Variants in PRSS56 observed in about 807,000 individuals in gnomAD.
The protein encoded by PRSS56 is serine protease 56.
PRSS56 carries 55 observed loss-of-function variants against 66.8 expected under a neutral mutation model. That is an observed-to-expected ratio of 0.82 (90% CI 0.66 to 1.03). The LOEUF is 1.03. PRSS56 is among the 50% of genes least tolerant of loss of function. The probability of loss-of-function intolerance (pLI) is 0.00; values close to 1 mark genes in which losing one functional copy is unlikely to be tolerated. For missense variants in PRSS56, 869 were observed against 837.2 expected, an observed-to-expected ratio of 1.04 and a Z score of -0.47; for synonymous variants, 409 against 387.9, an observed-to-expected ratio of 1.05 and a Z score of -0.64.
At chr2:232,524,470 G>T in intron 11 of PRSS56, 101 bp downstream of exon 11, 1 of 1,163,226 alleles carries the variant, frequency 8.6e-7, no homozygotes, top group South Asian at 1.5e-5. Context: ...TTACCCCATG[G>T]GGCAACAGGG....
chr2:232,521,923 G>A lies in PRSS56; in HGVS notation c.257-48G>A, dbSNP rs932919347. On this transcript the variant is annotated intron_variant, in intron 3 of 12. Coordinates refer to ENST00000617714, the MANE Select transcript of PRSS56 (RefSeq NM_001195129.2). ...TGAGAGCCGGGTGGGCCTCGAAGGC[G>A]AGGATGGCCAGAACATGTCCCTCGT... is the stretch of plus-strand genomic sequence containing the variant. The A allele has an allele frequency of 3.9e-6, 6 of 1,524,936 alleles. No individual in the cohort carries two copies. In the Admixed American group the frequency reaches 6.0e-5, roughly 15 times the overall value. 94.5% of individuals were successfully genotyped at this position (1,524,936 alleles called of 1,614,324 possible). A position where few individuals can be genotyped will look rare whatever the true frequency, so the allele number is the denominator to read the frequency against.
rs2106199693 is a variant in PRSS56, at chr2:232,520,670, A to G, written c.72A>G (p.Thr24=). Residue 24 remains threonine, a synonymous_variant, in exon 1 of 13, where the codon ACA becomes ACG. Coordinates refer to ENST00000617714, the MANE Select transcript of PRSS56 (RefSeq NM_001195129.2). Reference sequence around the variant, plus strand: ...TTGCCCACGGGCACCCACTGTACACACGCCTGCCCCCCAGCGCCCTGCAAG... The same window carrying G: ...TTGCCCACGGGCACCCACTGTACACGCGCCTGCCCCCCAGCGCCCTGCAAG... ...SWFAHGHPLY[T]RLPPSALQVL... is the part of the protein sequence containing the mutation. 1 of 1,535,262 alleles carries G rather than the reference A, an allele frequency of 6.5e-7. No individual in the cohort carries two copies. The highest frequency in any genetic ancestry group is 1.2e-5 in the South Asian group (1 of 84,026).
Position 232,522,086 on chromosome 2 carries a change from C to T in PRSS56, c.372C>T (p.Leu124=), listed in dbSNP as rs1048949100. The part of the protein sequence containing the change: ...GAWPWLVRLQ[L]GGQPLCGGVL... ...GGCCCTGGCTGGTGAGGCTGCAGCT[C>T]GGCGGGCAGCCTCTGTGCGGCGGCG... is the stretch of plus-strand genomic sequence containing the variant. Residue 124 remains leucine (L), a synonymous_variant, in exon 4 of 13, where the codon CTC becomes CTT. Coordinates refer to ENST00000617714, the MANE Select transcript of PRSS56 (RefSeq NM_001195129.2). 2.0e-6 allele frequency: 3 copies of T among 1,516,794 alleles called. No homozygotes were observed. The highest frequency in any genetic ancestry group is 2.9e-5 in the African/African-American group (2 of 70,010). The allele number at this position is 1,516,794 out of a possible 1,614,324, so 94.0% of individuals were successfully genotyped here. A position where few individuals can be genotyped will look rare whatever the true frequency, so the allele number is the denominator to read the frequency against.
At position 232,520,522 on chromosome 2, in the gene PRSS56, C is replaced by G; in HGVS notation, c.-77C>G. 1 of 1,244,826 alleles carries G rather than the reference C, an allele frequency of 8.0e-7. No individual in the cohort carries two copies. Among genetic ancestry groups the G allele is most frequent in the Non-Finnish European group, 1.1e-6 (1 of 881,508 alleles). The allele number at this position is 1,244,826 out of a possible 1,614,324, so 77.1% of individuals were successfully genotyped here. ...GCCGAAAGGCAGCAGAAGGCGGGCA[C>G]CAAAGGATAGGCACCCGGAAGGTGG... On this transcript the variant is annotated 5_prime_UTR_variant, in exon 1 of 13. Coordinates refer to ENST00000617714, the MANE Select transcript of PRSS56 (RefSeq NM_001195129.2).
At position 232,521,304 on chromosome 2, in the gene PRSS56, GC is replaced by G. The variant is rs1184624292; in HGVS notation, c.98-12del. 1 of 1,527,882 alleles carries G rather than the reference GC, an allele frequency of 6.5e-7. No individual in the cohort carries two copies. The highest frequency in any genetic ancestry group is 8.8e-7 in the Non-Finnish European group (1 of 1,139,406). 94.6% of individuals were successfully genotyped at this position (1,527,882 alleles called of 1,614,324 possible). On this transcript the variant is annotated splice_polypyrimidine_tract_variant and intron_variant, in intron 1 of 12. Coordinates refer to ENST00000617714, the MANE Select transcript of PRSS56 (RefSeq NM_001195129.2). ...CTTCCCCAACCACGCATGATTGTGT[GC>G]CCCCTGTCCCAGCAGTTCTGTCGGC...
chr2:232,525,246 A>G lies in PRSS56; in HGVS notation c.1552A>G (p.Thr518Ala). ...GGCAGATCTGGGCTCCAAGACACTG[A>G]CCGGGCTTTTCAGAGCCTGGGTGCG... ...VLADLGSKTL[T>A]GLFRAWVRAG... The change falls in exon 13 of 13, where the codon ACC becomes GCC. Residue 518 changes from threonine to alanine, a missense_variant. Physicochemically the swap from Thr to Ala is moderately conservative, Grantham distance 58. Around this residue, in one of 3 missense-constraint regions of PRSS56, gnomAD observed 551 missense variants for 506.9 expected, o/e 1.09. Coordinates refer to ENST00000617714, the MANE Select transcript of PRSS56 (RefSeq NM_001195129.2). 1 of 1,512,522 alleles carries G rather than the reference A, an allele frequency of 6.6e-7. No homozygotes were observed. The allele number at this position is 1,512,522 out of a possible 1,614,324, so 93.7% of individuals were successfully genotyped here.
chr2:232,523,256 C>T lies in PRSS56; in HGVS notation c.849+54C>T, dbSNP rs559014751. ...CGGCTGAGCCTTCCCAGGGCCACTA[C>T]GGCCTCTTTTCCTTCCACGTCTGTC... On this transcript the variant is annotated intron_variant, in intron 7 of 12. Transcript: ENST00000617714. 1.6e-4 allele frequency: 226 copies of T among 1,422,810 alleles called. No homozygotes were observed. In the Admixed American group the frequency reaches 4.5e-3, roughly 28 times the overall value. 88.1% of individuals were successfully genotyped at this position (1,422,810 alleles called of 1,614,324 possible).
rs1446778228 is a variant in PRSS56 at position 232,522,516 on chromosome 2, G to T, written c.448G>T (p.Ala150Ser). ...VLTAAHCFVG[A>S]PNELLWTVTL... ...TCTCAGCTGCCGCTCGACCCGCAGC[G>T]CCCCGAATGAGCTTCTGTGGACTGT... is the stretch of plus-strand genomic sequence containing the variant. The change falls in exon 5 of 13, where the codon GCC becomes TCC. Residue 150 changes from alanine (A) to serine (S), a missense_variant and splice_region_variant. This residue lies in a region of PRSS56 where 315 missense variants were observed against 313.7 expected (regional missense o/e 1.00). Transcript: ENST00000617714. 6.5e-7 allele frequency: 1 copy of T among 1,529,148 alleles called. No homozygotes were observed. The highest frequency in any genetic ancestry group is 1.4e-5 in the African/African-American group (1 of 72,702). The allele number at this position is 1,529,148 out of a possible 1,614,324, so 94.7% of individuals were successfully genotyped here. A position where few individuals can be genotyped will look rare whatever the true frequency, so the allele number is the denominator to read the frequency against.
rs971708025 is a variant in PRSS56 at position 232,522,814 on chromosome 2, C to T, written c.659C>T (p.Pro220Leu). Residue 220 changes from proline to leucine, a missense_variant, in exon 6 of 13, where the codon CCT becomes CTT. Pro to Leu is a moderately conservative substitution (Grantham distance 98, BLOSUM62 -3). Transcript: ENST00000617714. Reference sequence around the variant, plus strand: ...CTGCCCCAGGAGCCCCAGGAGCCCCCTGCCGGAACCGCCTGCGCCATCGCG... The same window carrying T: ...CTGCCCCAGGAGCCCCAGGAGCCCCTTGCCGGAACCGCCTGCGCCATCGCG... ...VCLPQEPQEP[P>L]AGTACAIAGW... 2.0e-6 allele frequency: 3 copies of T among 1,494,802 alleles called. No individual in the cohort carries two copies. In the African/African-American group the frequency reaches 4.2e-5, roughly 21 times the overall value. 92.6% of individuals were successfully genotyped at this position (1,494,802 alleles called of 1,614,324 possible).
chr2:232,523,061 C>CG lies in PRSS56; in HGVS notation c.711dup (p.Pro238AlafsTer2). On this transcript the variant is annotated frameshift_variant and splice_region_variant, in exon 7 of 13. Transcript: ENST00000617714. LOFTEE classifies it high-confidence loss of function. ...GAGCCTTCCACCCCTTCCCTGCAGA[C>CG]GGGCCTGAGGCTGAAGCAGTGAGAG... 6.5e-7 allele frequency: 1 copy of CG among 1,534,516 alleles called. No individual in the cohort carries two copies. Among genetic ancestry groups the CG allele is most frequent in the Non-Finnish European group, 8.7e-7 (1 of 1,146,056 alleles).
intron 1 of PRSS56, 22 bp from the exon 2 acceptor site, chr2:232,521,299 T>C (rs1045129355): frequency 7.9e-6 from 12 of 1,523,760 alleles, no homozygotes; most frequent in Non-Finnish European, 1.1e-5. Flanking sequence ...CACGCATGAT[T>C]GTGTGCCCCC....
At chr2:232,524,696 C>A (rs1273270836) in intron 11 of PRSS56, 42 bp from the exon 12 acceptor site, 1 of 1,414,260 alleles carries the variant, frequency 7.1e-7, no homozygotes, top group South Asian at 1.3e-5. Flanking sequence ...AGTTCCATAC[C>A]GCAACCGTTC....
At chr2:232,524,240 C>A in intron 10 of PRSS56, 37 bp downstream of exon 10, 1 of 1,534,660 alleles carries the variant, frequency 6.5e-7, no homozygotes, top group Non-Finnish European at 8.7e-7. Flanking sequence ...AGCCCTGGCC[C>A]GGCCCCACCC....
chr2:232,521,733 T>G, intron 2 of PRSS56, 83 bp from the exon 3 acceptor site: 3 of 1,357,920 alleles, frequency 2.2e-6, no homozygotes, highest in Non-Finnish European at 3.0e-6. Flanking sequence ...AAAGGAGAGA[T>G]GGGGAGAGAG....
Position 232,521,418 on chromosome 2 carries a change from C to A in PRSS56, c.195C>A (p.His65Gln). 3 of 1,535,948 alleles carry A rather than the reference C, an allele frequency of 2.0e-6. No individual in the cohort carries two copies. The highest frequency in any genetic ancestry group is 1.7e-4 in the Middle Eastern group (1 of 5,988). Reference protein sequence around the residue: ...RVAMEIQHRSHECRGSGRPRP... With the variant: ...RVAMEIQHRSQECRGSGRPRP... ...CGATGGAGATCCAGCACAGATCGCACGAGTGCCGAGGTGCCCACCCTGCCC... is the reference window on the plus strand; with the variant it reads ...CGATGGAGATCCAGCACAGATCGCAAGAGTGCCGAGGTGCCCACCCTGCCC... Residue 65 changes from histidine (H) to glutamine (Q), a missense_variant, in exon 2 of 13, where the codon CAC becomes CAA. This residue lies in a region of PRSS56 where 315 missense variants were observed against 313.7 expected (regional missense o/e 1.00). Coordinates refer to ENST00000617714, the MANE Select transcript of PRSS56 (RefSeq NM_001195129.2).
At chr2:232,523,646 C>T in intron 8 of PRSS56, 68 bp downstream of exon 8, 1 of 1,503,916 alleles carries the variant, frequency 6.6e-7, no homozygotes, top group Non-Finnish European at 8.9e-7. Context: ...AAGCCCGTTT[C>T]CACCCGGCCC....
chr2:232,523,887 C>A lies in PRSS56; in HGVS notation c.1128C>A (p.Ser376=). Residue 376 remains serine, a synonymous_variant, in exon 9 of 13, where the codon TCC becomes TCA. Transcript: ENST00000617714. ...CAFYARLCPG[S]QGACARLAHQ... is the part of the protein sequence containing the mutation. ...TCTATGCCCGCCTGTGCCCGGGGTC[C>A]CAGGGCGCCTGTGCGCGCCTGGCGC... is the stretch of plus-strand genomic sequence containing the variant. 1 of 1,525,456 alleles carries A rather than the reference C, an allele frequency of 6.6e-7. No individual in the cohort carries two copies. The highest frequency in any genetic ancestry group is 8.8e-7 in the Non-Finnish European group (1 of 1,141,516). The allele number at this position is 1,525,456 out of a possible 1,614,324, so 94.5% of individuals were successfully genotyped here. A position where few individuals can be genotyped will look rare whatever the true frequency, so the allele number is the denominator to read the frequency against.
intron 4 of PRSS56, 64 bp downstream of exon 4, chr2:232,522,224 G>C: frequency 7.5e-7 from 1 of 1,333,656 alleles, no homozygotes; most frequent in Non-Finnish European, 9.7e-7. Context: ...CACCTGCCGG[G>C]TTGTCCGGCG....
At position 232,521,407 on chromosome 2, in the gene PRSS56, C is replaced by T; in HGVS notation, c.184C>T (p.His62Tyr). 1 of 1,536,100 alleles carries T rather than the reference C, an allele frequency of 6.5e-7. No homozygotes were observed. The change falls in exon 2 of 13, where the codon CAC (histidine) becomes TAC (tyrosine). Residue 62 changes from histidine (H) to tyrosine (Y), a missense_variant. By Grantham distance (83) the His-to-Tyr change is moderately conservative (BLOSUM62 2). This residue lies in a region of PRSS56 where 315 missense variants were observed against 313.7 expected (regional missense o/e 1.00). Coordinates refer to ENST00000617714, the MANE Select transcript of PRSS56 (RefSeq NM_001195129.2). Reference protein sequence around the residue: ...AINRVAMEIQHRSHECRGSGR... With the variant: ...AINRVAMEIQYRSHECRGSGR... ...AAACCGAGTGGCGATGGAGATCCAGCACAGATCGCACGAGTGCCGAGGTGC... is the reference window on the plus strand; with the variant it reads ...AAACCGAGTGGCGATGGAGATCCAGTACAGATCGCACGAGTGCCGAGGTGC...
Sources: allele counts gnomAD v4.1 joint callset, GRCh38; gene constraint gnomAD v4.1.1; regional missense constraint gnomAD v4.1.1; transcripts MANE v1.5; gene names NCBI Gene and HGNC (gene_info 2026-07-23, HGNC 2026-07-21).